Variants in RYR2 observed in about 807,000 individuals in gnomAD.
RYR2 encodes cardiac muscle ryanodine receptor-calcium release channel.
In RYR2, 227 loss-of-function variants were observed where a neutral mutation model predicts 601.1. The ratio of observed to expected loss-of-function variants is 0.38; its 90% CI spans 0.34 to 0.42. RYR2 has a LOEUF of 0.42. RYR2 is among the 10% of genes least tolerant of loss of function. The probability of loss-of-function intolerance (pLI) is 1.00; values close to 1 mark genes in which losing one functional copy is unlikely to be tolerated. For synonymous variants in RYR2, 2,223 were observed against 2,175.1 expected (o/e 1.02, Z -0.61); for missense variants, 4,646 against 6,156.5 (o/e 0.75, Z 8.21).
At chr1:237,521,636 C>T (rs1367945637) in intron 24 of RYR2, among the ~76,000 whole-genome samples, 1 of 151,964 alleles carries the variant, frequency 6.6e-6, no homozygotes, top group Non-Finnish European at 1.5e-5. Context: ...AGGAGAATTG[C>T]TTGAACCCAG....
At chr1:237,416,566 T>A (rs571967116) in intron 10 of RYR2, among the ~76,000 whole-genome samples, 1 of 152,230 alleles carries the variant, frequency 6.6e-6, no homozygotes, top group African/African-American at 2.4e-5. Context: ...AGAATTGTGT[T>A]CTTACATTTC....
rs1686137153 is a variant in RYR2, at chr1:237,684,056, T to C, written c.9018-3399T>C. On this transcript the variant is annotated intron_variant, in intron 62 of 104. Transcript: ENST00000366574. Reference sequence around the variant, plus strand: ...AATTCTCCTGCCTCAGCCTCCTGAGTAGCTGGGATTACAGGCACCCACCAC... The same window carrying C: ...AATTCTCCTGCCTCAGCCTCCTGAGCAGCTGGGATTACAGGCACCCACCAC... 2.6e-5 allele frequency among the ~76,000 whole-genome samples: 4 copies of C among 152,008 alleles called. No individual in the cohort carries two copies. The South Asian group carries it at 8.3e-4, about 32-fold the overall frequency.
At chr1:237,313,347 CCTTGATTAT>C (rs1694767124) in intron 2 of RYR2, among the ~76,000 whole-genome samples, 1 of 151,958 alleles carries the variant, frequency 6.6e-6, no homozygotes, top group Non-Finnish European at 1.5e-5. Context: ...GGGAGATTTT[CCTTGATTAT>C]CTGGGTGAGC....
Position 237,775,603 on chromosome 1 carries a change from A to ATATATAT in RYR2, c.11775+1956_11775+1957insATATATT, listed in dbSNP as rs1259119388. Among the ~76,000 whole-genome samples the ATATATAT allele has an allele frequency of 2.0e-5, 3 of 152,274 alleles. No homozygotes were observed. The East Asian group carries it at 5.8e-4, about 29-fold the overall frequency. On this transcript the variant is annotated intron_variant, in intron 87 of 104. Transcript: ENST00000366574. ...CTATAGAAAGTTATATAAGGGGGAGATCCAACACCATTGAAATAAATGGAA... is the reference window on the plus strand; with the variant it reads ...CTATAGAAAGTTATATAAGGGGGAGATATATATTCCAACACCATTGAAATAAATGGAA...
chr1:237,722,571 C>T (rs1207135153), intron 73 of RYR2, among the ~76,000 whole-genome samples: 1 of 151,592 alleles, frequency 6.6e-6, no homozygotes, highest in East Asian at 1.9e-4. Flanking sequence ...GTAGCTGGGA[C>T]TACAGGCGCC....
At position 237,727,177 on chromosome 1, in the gene RYR2, G is replaced by A. The variant is rs772511386; in HGVS notation, c.10816G>A (p.Ala3606Thr). 13 of 1,560,918 alleles carry A rather than the reference G, an allele frequency of 8.3e-6. No homozygotes were observed. Among genetic ancestry groups the A allele is most frequent in the Admixed American group, 3.7e-5 (2 of 54,040 alleles). The change falls in exon 76 of 105, where the codon GCC becomes ACC. Residue 3606 changes from alanine to threonine, a missense_variant. By Grantham distance (58) the Ala-to-Thr change is moderately conservative. Around this residue, in one of 17 missense-constraint regions of RYR2, gnomAD observed 1,497 missense variants for 1,842.6 expected, o/e 0.81. Coordinates refer to ENST00000366574, the MANE Select transcript of RYR2 (RefSeq NM_001035.3). The part of the protein sequence containing the change: ...KRAVVACFRM[A>T]PLYNLPRHRA... Reference sequence around the variant, plus strand: ...GGCTGTTGTAGCCTGCTTCCGGATGGCCCCCTTATATAATCTGCCAAGGTC... The same window carrying A: ...GGCTGTTGTAGCCTGCTTCCGGATGACCCCCTTATATAATCTGCCAAGGTC...
At chr1:237,754,379 A>C (rs978859793) in intron 80 of RYR2, among the ~76,000 whole-genome samples, 2 of 152,202 alleles carry the variant, frequency 1.3e-5, no homozygotes, top group East Asian at 3.9e-4. Flanking sequence ...TTGTTCTGGC[A>C]GGTCTTTAAC....
chr1:237,201,071 A>G (rs1213392032), intron 1 of RYR2, among the ~76,000 whole-genome samples: 1 of 152,232 alleles, frequency 6.6e-6, no homozygotes, highest in Non-Finnish European at 1.5e-5. Context: ...TTGGAAAGAC[A>G]GTAAGGGTAA....
intron 1 of RYR2, among the ~76,000 whole-genome samples, chr1:237,074,722 G>A (rs972100799): frequency 1.3e-5 from 2 of 152,204 alleles, no homozygotes; most frequent in Admixed American, 1.3e-4. Context: ...TTCGCCCAGT[G>A]TAAGAGTCTG....
intron 1 of RYR2, among the ~76,000 whole-genome samples, chr1:237,136,156 G>A (rs1252348787): frequency 6.6e-6 from 1 of 152,248 alleles, no homozygotes; most frequent in Non-Finnish European, 1.5e-5. Context: ...TTAGCCCGTT[G>A]AGTTTTACTA....
intron 1 of RYR2, among the ~76,000 whole-genome samples, chr1:237,174,721 T>C (rs573968875): frequency 6.6e-6 from 1 of 152,336 alleles, no homozygotes; most frequent in South Asian, 2.1e-4. Flanking sequence ...CCATTTTAAT[T>C]TGTGCTGAAT....
chr1:237,628,617 A>T (rs1679933427), intron 41 of RYR2, among the ~76,000 whole-genome samples: 1 of 152,148 alleles, frequency 6.6e-6, no homozygotes, highest in Non-Finnish European at 1.5e-5. Context: ...ATAGAAACAA[A>T]AGCTAAGTTA....
chr1:237,616,855 C>T (rs898135914), intron 37 of RYR2, among the ~76,000 whole-genome samples: 2 of 152,170 alleles, frequency 1.3e-5, no homozygotes, highest in Non-Finnish European at 2.9e-5. Flanking sequence ...GGAGCAAAGT[C>T]ACATCTTACA....
At chr1:237,048,223 C>A (rs1441202984) in intron 1 of RYR2, among the ~76,000 whole-genome samples, 2 of 152,218 alleles carry the variant, frequency 1.3e-5, no homozygotes, top group Non-Finnish European at 2.9e-5. Flanking sequence ...TCCACCAGCA[C>A]CTAGCTTTAC....
chr1:237,629,243 G>A (rs1056663678), intron 41 of RYR2, among the ~76,000 whole-genome samples: 5 of 152,054 alleles, frequency 3.3e-5, no homozygotes, highest in Non-Finnish European at 5.9e-5. Context: ...ATTGAGTAGT[G>A]TTCGCTACTC....
At chr1:237,455,531 C>T (rs1035071863) in intron 15 of RYR2, among the ~76,000 whole-genome samples, 3 of 151,856 alleles carry the variant, frequency 2.0e-5, no homozygotes, top group Admixed American at 6.6e-5. Context: ...CGCAATATAC[C>T]CACATAACAA....
intron 1 of RYR2, among the ~76,000 whole-genome samples, chr1:237,081,512 CAT>C (rs5781933): frequency 0.66 from 98,746 of 148,506 alleles, 33,214 homozygotes; most frequent in Non-Finnish European, 0.75. Context: ...ACACCCCCCA[CAT>C]ATATATATAT....
chr1:237,294,671 G>T (rs768110286), intron 2 of RYR2, among the ~76,000 whole-genome samples: 11 of 152,076 alleles, frequency 7.2e-5, no homozygotes, highest in Non-Finnish European at 1.3e-4. Context: ...ATGCACACAC[G>T]CATATACATT....
chr1:237,316,055 C>T (rs1006638206), intron 2 of RYR2, among the ~76,000 whole-genome samples: 2 of 151,962 alleles, frequency 1.3e-5, no homozygotes, highest in Non-Finnish European at 2.9e-5. Context: ...AGAGAGATGA[C>T]ATCTAGGAAA....
Sources: allele counts gnomAD v4.1 joint callset (sites outside exome capture counted in the v4.1 genomes callset), GRCh38; gene constraint gnomAD v4.1.1; regional missense constraint gnomAD v4.1.1; transcripts MANE v1.5; gene names NCBI Gene and HGNC (gene_info 2026-07-23, HGNC 2026-07-21).